Variants in C2orf42 observed in about 807,000 individuals in gnomAD.
The protein encoded by C2orf42 is chromosome 2 open reading frame 42.
In C2orf42, 44 loss-of-function variants were observed where a neutral mutation model predicts 58.9. The ratio of observed to expected loss-of-function variants is 0.75; its 90% CI spans 0.59 to 0.96. The LOEUF is 0.96. Ranked by LOEUF, C2orf42 falls within the 40% of genes least tolerant of loss-of-function variation. The pLI is 0.00. For missense variants in C2orf42, 630 were observed against 699.2 expected (o/e 0.90, Z 1.12); for synonymous variants, 239 against 265.4 (o/e 0.90, Z 0.97).
At chr2:70,162,710 C>T (rs557360177) in intron 8 of C2orf42, among the ~76,000 whole-genome samples, 1 of 151,984 alleles carries the variant, frequency 6.6e-6, no homozygotes, top group East Asian at 1.9e-4. Flanking sequence ...TGGCCTCAAG[C>T]AATCCTTCAT....
intron 9 of C2orf42, among the ~76,000 whole-genome samples, chr2:70,152,316 G>C (rs1184116780): frequency 1.3e-5 from 2 of 152,140 alleles, no homozygotes; most frequent in East Asian, 3.8e-4. Flanking sequence ...GTATTATCTA[G>C]TTCATGTTTG....
intron 6 of C2orf42, among the ~76,000 whole-genome samples, chr2:70,167,449 A>G (rs886834699): frequency 6.6e-6 from 1 of 152,018 alleles, no homozygotes; most frequent in African/African-American, 2.4e-5. Flanking sequence ...TTTCTTAAAA[A>G]TTCTGTCCAG....
Position 70,182,162 on chromosome 2 carries a change from C to T in C2orf42, c.-12-165G>A, listed in dbSNP as rs551436128. ...TCGCCCAGGCTGGAGTGCAGCGGCG[C>T]GATCTCGGCTCACTGCAACCTCCGC... On this transcript the variant is annotated intron_variant, in intron 2 of 9. Transcript: ENST00000264434. Among the ~76,000 whole-genome samples, 16 of 152,140 alleles carry T rather than the reference C, an allele frequency of 1.1e-4. No individual in the cohort carries two copies. In the South Asian group the frequency reaches 1.7e-3, roughly 16 times the overall value.
At chr2:70,164,006 A>T (rs6708697) in intron 8 of C2orf42, among the ~76,000 whole-genome samples, 25,007 of 146,096 alleles carry the variant, frequency 0.17, 3,551 homozygotes, top group African/African-American at 0.39. Flanking sequence ...CCTATCTTAA[A>T]TTTTTTTTTT....
chr2:70,190,349 C>T (rs568934724), intron 1 of C2orf42: 12 of 152,286 alleles, frequency 7.9e-5, no homozygotes, highest in African/African-American at 2.6e-4. Context: ...GCTTGTGAGG[C>T]ACAGTTAGGG....
intron 9 of C2orf42, among the ~76,000 whole-genome samples, chr2:70,157,407 A>C (rs1425096229): frequency 6.6e-6 from 1 of 152,084 alleles, no homozygotes. Flanking sequence ...GTGAGCCGAG[A>C]TCGCACCACT....
Position 70,181,493 on chromosome 2 carries a change from T to C in C2orf42, c.493A>G (p.Thr165Ala). 1.2e-6 allele frequency: 2 copies of C among 1,613,640 alleles called. No individual in the cohort carries two copies. The highest frequency in any genetic ancestry group is 1.1e-5 in the South Asian group (1 of 91,074). Residue 165 changes from threonine to alanine, a missense_variant, in exon 3 of 10, where the codon ACC becomes GCC. By Grantham distance (58) the Thr-to-Ala change is moderately conservative. Transcript: ENST00000264434. ...VLNAMQASPE[T>A]KQTIWQLATE... The stretch of plus-strand genomic sequence containing the variant: ...GCCAACTGCCAGATGGTCTGTTTGG[T>C]TTCCGGGGAGGCCTGCATTGCATTC...
At chr2:70,169,689 ACTT>A (rs1286159357) in intron 5 of C2orf42, 28 bp from the exon 6 acceptor site, 1 of 983,736 alleles carries the variant, frequency 1.0e-6, no homozygotes, top group Non-Finnish European at 1.6e-6. Context: ...ACACATACAC[ACTT>A]CTTTAGTAAC....
intron 1 of C2orf42, among the ~76,000 whole-genome samples, chr2:70,189,993 A>T (rs1304434828): frequency 6.6e-6 from 1 of 152,190 alleles, no homozygotes; most frequent in Non-Finnish European, 1.5e-5. Context: ...AGACACACAC[A>T]CATACAATGT....
intron 1 of C2orf42, among the ~76,000 whole-genome samples, chr2:70,188,833 A>G (rs1028452691): frequency 2.0e-5 from 3 of 152,124 alleles, no homozygotes; most frequent in Non-Finnish European, 4.4e-5. Context: ...ATGTCCCTCA[A>G]TTTGAGCTTG....
intron 9 of C2orf42, among the ~76,000 whole-genome samples, chr2:70,157,789 T>C (rs372830414): frequency 7.1e-4 from 108 of 152,298 alleles, no homozygotes; most frequent in African/African-American, 2.5e-3. Flanking sequence ...AGAGCAAGAC[T>C]GTATCTGAAA....
At chr2:70,188,283 G>A (rs75375986) in intron 1 of C2orf42, among the ~76,000 whole-genome samples, 1 of 151,960 alleles carries the variant, frequency 6.6e-6, no homozygotes, top group African/African-American at 2.4e-5. Context: ...TGCCTCCCGG[G>A]TTCAAGCAAT....
At position 70,180,166 on chromosome 2, in the gene C2orf42, C is replaced by T. The variant is rs577504707; in HGVS notation, c.824-524G>A. On this transcript the variant is annotated intron_variant, in intron 3 of 9. Coordinates refer to ENST00000264434, the MANE Select transcript of C2orf42 (RefSeq NM_017880.3). ...AATTAGCCAGGCATGGTGGCACATG[C>T]CTGTAGTCCCAGCTACTCAGGAGGC... Among the ~76,000 whole-genome samples the T allele has an allele frequency of 2.0e-5, 3 of 151,710 alleles. No individual in the cohort carries two copies. The South Asian group carries it at 6.2e-4, about 32-fold the overall frequency.
intron 9 of C2orf42, among the ~76,000 whole-genome samples, chr2:70,156,533 T>C (rs1340982975): frequency 6.7e-6 from 1 of 149,766 alleles, no homozygotes; most frequent in African/African-American, 2.5e-5. Flanking sequence ...CACAAAAAAG[T>C]TAAAACTAAA....
At chr2:70,189,802 G>A (rs536697771) in intron 1 of C2orf42, among the ~76,000 whole-genome samples, 4 of 151,900 alleles carry the variant, frequency 2.6e-5, no homozygotes, top group Admixed American at 2.0e-4. Context: ...TGAGGCGGGA[G>A]GATCACTGAG....
At chr2:70,155,555 T>C (rs1009401650) in intron 9 of C2orf42, among the ~76,000 whole-genome samples, 2 of 152,112 alleles carry the variant, frequency 1.3e-5, no homozygotes, top group Non-Finnish European at 2.9e-5. Context: ...TCCCAGCACT[T>C]TGGGAGGCCA....
At chr2:70,177,372 G>A (rs566843271) in intron 4 of C2orf42, among the ~76,000 whole-genome samples, 1 of 152,066 alleles carries the variant, frequency 6.6e-6, no homozygotes, top group East Asian at 1.9e-4. Context: ...CCCAGGAGGT[G>A]GAGGTTGCAG....
rs1303920117 is a variant in C2orf42, at chr2:70,167,840, G to T, written c.1144+1717C>A. Among the ~76,000 whole-genome samples the T allele has an allele frequency of 2.6e-5, 4 of 152,078 alleles. No homozygotes were observed. The East Asian group carries it at 7.7e-4, about 29-fold the overall frequency. On this transcript the variant is annotated intron_variant, in intron 6 of 9. Transcript: ENST00000264434. ...GGACAAAGGTGGTAGTAATGGAGAT[G>T]GTAAGATGGAATAGAGGGTGGTACA...
intron 9 of C2orf42, among the ~76,000 whole-genome samples, chr2:70,159,851 C>T (rs1672944558): frequency 6.6e-6 from 1 of 152,016 alleles, no homozygotes; most frequent in Non-Finnish European, 1.5e-5. Flanking sequence ...TTACTATTAT[C>T]ACTACTGGGA....
Sources: gnomAD v4.1 joint callset for allele counts (sites outside exome capture counted in the v4.1 genomes callset) on GRCh38, gnomAD v4.1.1 for gene constraint, MANE v1.5 for transcripts, NCBI Gene and HGNC (gene_info 2026-07-23, HGNC 2026-07-21) for gene names.